JAK1: variants seen among roughly 807,000 people sequenced by gnomAD.
The protein encoded by JAK1 is tyrosine-protein kinase JAK1.
Under a neutral mutation model 136.6 loss-of-function variants are expected in JAK1, and 16 were observed. The ratio of observed to expected loss-of-function variants is 0.12; its 90% CI spans 0.08 to 0.18. The LOEUF (loss-of-function observed/expected upper bound fraction) is 0.18, where lower values mean the gene tolerates loss of function less well. JAK1 is among the 10% of genes least tolerant of loss of function. The pLI is 1.00. For synonymous variants in JAK1, 492 were observed against 519.5 expected, an observed-to-expected ratio of 0.95 and a Z score of 0.72; for missense variants, 859 against 1,450.1, an observed-to-expected ratio of 0.59 and a Z score of 6.62.
intron 6 of JAK1, among the ~76,000 whole-genome samples, chr1:64,868,553 C>A (rs1656855449): frequency 6.6e-6 from 1 of 152,148 alleles, no homozygotes; most frequent in African/African-American, 2.4e-5. Flanking sequence ...TGAGCAGTAT[C>A]GACTCAATCC....
chr1:64,899,306 TTATC>T (rs559132932), intron 1 of JAK1, among the ~76,000 whole-genome samples: 388 of 152,342 alleles, frequency 2.5e-3, no homozygotes, highest in African/African-American at 8.9e-3. Flanking sequence ...TTAAAATTGT[TTATC>T]TATCTAGTCA....
chr1:65,049,732 A>G (rs1647232417), intron 1 of JAK1, among the ~76,000 whole-genome samples: 1 of 152,184 alleles, frequency 6.6e-6, no homozygotes, highest in South Asian at 2.1e-4. Context: ...ACTGGAGGCC[A>G]TGATGTCCAA....
intron 1 of JAK1, among the ~76,000 whole-genome samples, chr1:64,944,893 CA>C (rs1557713526): frequency 6.6e-6 from 1 of 151,912 alleles, no homozygotes. Flanking sequence ...AAAAACAGAA[CA>C]AAAACTTCCA....
intron 1 of JAK1, among the ~76,000 whole-genome samples, chr1:65,045,226 C>A (rs900509935): frequency 6.6e-6 from 1 of 152,218 alleles, no homozygotes; most frequent in African/African-American, 2.4e-5. Flanking sequence ...CAGCGGACTT[C>A]TTACTTTGCT....
chr1:65,029,064 T>C (rs1483201077), intron 2 of JAK1, among the ~76,000 whole-genome samples: 1 of 152,142 alleles, frequency 6.6e-6, no homozygotes, highest in Non-Finnish European at 1.5e-5. Context: ...CCAATGAGGA[T>C]ACCATCTTCT....
intron 11 of JAK1, among the ~76,000 whole-genome samples, chr1:64,851,503 C>T (rs976403197): frequency 2.2e-4 from 33 of 152,280 alleles, no homozygotes; most frequent in African/African-American, 7.2e-4. Flanking sequence ...ATAACAGTGC[C>T]CTGTCTGAAG....
chr1:64,977,903 C>A (rs370651188), intron 2 of JAK1, among the ~76,000 whole-genome samples: 4,017 of 152,206 alleles, frequency 0.026, 179 homozygotes, highest in African/African-American at 0.091. Flanking sequence ...ATTTCATCGT[C>A]ATCGGTAAGT....
rs1654339597 is a variant in JAK1, at chr1:64,834,468, CTTCT to C, written c.*90_*93del. On this transcript the variant is annotated 3_prime_UTR_variant, in exon 25 of 25. Coordinates refer to ENST00000342505, the MANE Select transcript of JAK1 (RefSeq NM_002227.4). The stretch of plus-strand genomic sequence containing the variant: ...AGTGACTTTTTGGACAGAACACAAA[CTTCT>C]TTCATTAGAAATTTTTAAAAAATGA... 2 of 837,616 alleles carry C rather than the reference CTTCT, an allele frequency of 2.4e-6. No homozygotes were observed. The highest frequency in any genetic ancestry group is 2.2e-5 in the Admixed American group (1 of 46,254). The allele number at this position is 837,616 out of a possible 1,614,324, so 51.9% of individuals were successfully genotyped here.
chr1:64,908,542 C>T (rs1645228918), intron 1 of JAK1, among the ~76,000 whole-genome samples: 1 of 152,096 alleles, frequency 6.6e-6, no homozygotes, highest in South Asian at 2.1e-4. Context: ...GGGAGAAGGT[C>T]CCAAAAACCC....
At chr1:64,956,589 C>G (rs999880220) in intron 1 of JAK1, among the ~76,000 whole-genome samples, 1 of 152,190 alleles carries the variant, frequency 6.6e-6, no homozygotes, top group Non-Finnish European at 1.5e-5. Flanking sequence ...TTATCACCAC[C>G]TGAAATTATC....
At position 64,937,031 on chromosome 1, in the gene JAK1, T is replaced by G. The variant is rs866248474; in HGVS notation, c.-78+29302A>C. ...TTTTACAGAAAATATTTCAAATGACTGTTTAAAAAAAAAAAAAAAAGGATC... is the reference window on the plus strand; with the variant it reads ...TTTTACAGAAAATATTTCAAATGACGGTTTAAAAAAAAAAAAAAAAGGATC... On this transcript the variant is annotated intron_variant, in intron 1 of 24. Transcript: ENST00000342505. Among the ~76,000 whole-genome samples the G allele has an allele frequency of 1.1e-4, 16 of 140,268 alleles. No homozygotes were observed. The South Asian group carries it at 1.5e-3, about 14-fold the overall frequency. The allele number at this position is 140,268 out of a possible 152,430, so 92.0% of individuals were successfully genotyped here.
chr1:64,985,189 C>G, intron 2 of JAK1: 1 of 1,526,094 alleles, frequency 6.6e-7, no homozygotes, highest in Non-Finnish European at 9.1e-7. Flanking sequence ...CAGATGGGCT[C>G]TTGAACACCT....
intron 4 of JAK1, among the ~76,000 whole-genome samples, chr1:64,878,333 G>A (rs547298926): frequency 6.6e-6 from 1 of 152,140 alleles, no homozygotes; most frequent in South Asian, 2.1e-4. Context: ...TGTCACCTGT[G>A]ACATTTCTCA....
intron 20 of JAK1, chr1:64,839,346 A>C (rs942945406): frequency 5.1e-5 from 19 of 374,830 alleles, no homozygotes; most frequent in Non-Finnish European, 7.6e-5. Flanking sequence ...CAGTTTCATA[A>C]GGCATAAGTG....
At chr1:65,041,061 G>A (rs1484891630) in intron 2 of JAK1, among the ~76,000 whole-genome samples, 1 of 152,168 alleles carries the variant, frequency 6.6e-6, no homozygotes, top group Non-Finnish European at 1.5e-5. Context: ...TCTGGGCTCA[G>A]GATTTCCTGA....
At chr1:64,965,260 C>A (rs544613467) in intron 1 of JAK1, among the ~76,000 whole-genome samples, 29 of 152,080 alleles carry the variant, frequency 1.9e-4, no homozygotes, top group Non-Finnish European at 3.7e-4. Context: ...GAGAGAAAAA[C>A]CCTATGACTT....
intron 2 of JAK1, among the ~76,000 whole-genome samples, chr1:65,027,592 G>A (rs539241228): frequency 6.6e-6 from 1 of 152,316 alleles, no homozygotes; most frequent in East Asian, 1.9e-4. Context: ...GGGAGCTGGA[G>A]AGGGCAGGGA....
intron 1 of JAK1, among the ~76,000 whole-genome samples, chr1:64,946,778 T>C (rs947333402): frequency 6.7e-6 from 1 of 149,968 alleles, no homozygotes; most frequent in Non-Finnish European, 1.5e-5. Context: ...TTCATAGAAA[T>C]ATCATTCACA....
At chr1:64,863,852 TA>T (rs2101096569) in intron 8 of JAK1, among the ~76,000 whole-genome samples, 1 of 152,358 alleles carries the variant, frequency 6.6e-6, no homozygotes, top group East Asian at 1.9e-4. Context: ...ACACTTTAAT[TA>T]CTACTGGAAT....
Sources: allele counts gnomAD v4.1 joint callset (sites outside exome capture counted in the v4.1 genomes callset), GRCh38; gene constraint gnomAD v4.1.1; transcripts MANE v1.5; gene names NCBI Gene and HGNC (gene_info 2026-07-23, HGNC 2026-07-21).